TRPC4AP: variants seen among roughly 807,000 people sequenced by gnomAD.
TRPC4AP encodes transient receptor potential cation channel subfamily C member 4 associated protein, also known as short transient receptor potential channel 4-associated protein.
TRPC4AP carries 45 observed loss-of-function variants against 99.0 expected under a neutral mutation model. The observed-to-expected ratio is 0.45, with a 90% CI of 0.36 to 0.58. The LOEUF (loss-of-function observed/expected upper bound fraction) is 0.58. Among genes scored for constraint, TRPC4AP ranks in the 20% least tolerant of loss-of-function variants. The pLI, the probability that TRPC4AP is intolerant of heterozygous loss-of-function variation, is 0.00. For synonymous variants in TRPC4AP, 408 were observed against 385.8 expected (o/e 1.06, Z -0.67); for missense variants, 879 against 985.3 (o/e 0.89, Z 1.44).
At chr20:35,050,130 G>A (rs1416411315) in intron 5 of TRPC4AP, 136 bp from the exon 6 acceptor site, 2 of 951,908 alleles carry the variant, frequency 2.1e-6, no homozygotes, top group African/African-American at 3.3e-5. Flanking sequence ...GAATGGCATG[G>A]CTTAACTGTG....
intron 5 of TRPC4AP, 86 bp downstream of exon 5, chr20:35,054,890 C>T: frequency 8.4e-7 from 1 of 1,194,390 alleles, no homozygotes. Context: ...GCTCTTATGT[C>T]TGCCATTCTA....
At chr20:35,085,852 TTTA>T (rs1315520230) in intron 1 of TRPC4AP, among the ~76,000 whole-genome samples, 3 of 152,176 alleles carry the variant, frequency 2.0e-5, no homozygotes, top group African/African-American at 7.2e-5. Flanking sequence ...TTCCACTGAT[TTTA>T]TTGTTTTTAA....
chr20:35,047,263 T>C (rs1232219985), intron 6 of TRPC4AP, among the ~76,000 whole-genome samples: 1 of 152,234 alleles, frequency 6.6e-6, no homozygotes, highest in African/African-American at 2.4e-5. Context: ...ATTGCATCTC[T>C]CTGCCTCTGG....
intron 16 of TRPC4AP, among the ~76,000 whole-genome samples, 181 bp downstream of exon 16, chr20:35,005,514 T>C (rs1417780594): frequency 6.6e-6 from 1 of 152,202 alleles, no homozygotes; most frequent in Non-Finnish European, 1.5e-5. Context: ...ATTTTCACCT[T>C]ATTAAAGTGT....
intron 3 of TRPC4AP, among the ~76,000 whole-genome samples, chr20:35,061,396 GA>G (rs1274856478): frequency 6.6e-6 from 1 of 152,210 alleles, no homozygotes; most frequent in African/African-American, 2.4e-5. Context: ...TTGTTAAGAT[GA>G]TAATACTCCC....
At chr20:35,026,240 A>T (rs1406117729) in intron 8 of TRPC4AP, among the ~76,000 whole-genome samples, 1 of 150,306 alleles carries the variant, frequency 6.7e-6, no homozygotes, top group Non-Finnish European at 1.5e-5. Flanking sequence ...TTTTTGAGAC[A>T]GAGTCTTGCT....
intron 9 of TRPC4AP, among the ~76,000 whole-genome samples, chr20:35,017,336 A>G (rs1368818756): frequency 3.3e-5 from 5 of 152,226 alleles, no homozygotes. Flanking sequence ...GGATACACTA[A>G]TAACTGGTAA....
chr20:35,024,401 T>G (rs1350482988), intron 8 of TRPC4AP, among the ~76,000 whole-genome samples: 1 of 152,236 alleles, frequency 6.6e-6, no homozygotes, highest in Non-Finnish European at 1.5e-5. Context: ...TTCATATTAA[T>G]GAACTCATGC....
chr20:35,016,800 G>GC (rs1268935629), intron 9 of TRPC4AP, among the ~76,000 whole-genome samples: 2 of 152,158 alleles, frequency 1.3e-5, no homozygotes, highest in Non-Finnish European at 2.9e-5. Context: ...ACATACATTG[G>GC]CAATTCATGC....
intron 8 of TRPC4AP, among the ~76,000 whole-genome samples, chr20:35,025,236 C>T (rs1408905655): frequency 2.6e-5 from 4 of 152,168 alleles, no homozygotes; most frequent in African/African-American, 9.7e-5. Flanking sequence ...TACTTAAGTG[C>T]AGTGGCAGGA....
chr20:35,045,023 C>T (rs887201865), intron 6 of TRPC4AP, among the ~76,000 whole-genome samples: 1 of 152,044 alleles, frequency 6.6e-6, no homozygotes, highest in Non-Finnish European at 1.5e-5. Flanking sequence ...AAAGGAAATG[C>T]CTACCACTCA....
In TRPC4AP at chr20:35,005,680, C is replaced by T. The variant is rs558221279; in HGVS notation, c.1936+15G>A. On this transcript the variant is annotated intron_variant, in intron 16 of 18. Transcript: ENST00000252015. ...ACCCTGCATGACTTGCCTTGACAGC[C>T]TGCCTTTCATGTACCTTTCATATCC... 4.8e-4 allele frequency: 773 copies of T among 1,612,450 alleles called. 9 individuals carry two copies. In the South Asian group the frequency reaches 8.2e-3, roughly 17 times the overall value.
At chr20:35,032,272 G>T (rs370365926) in intron 8 of TRPC4AP, among the ~76,000 whole-genome samples, 1 of 151,406 alleles carries the variant, frequency 6.6e-6, no homozygotes, top group Non-Finnish European at 1.5e-5. Flanking sequence ...TGCTCTGCCC[G>T]CCTCAGCCTC....
At chr20:35,090,919 CAT>C (rs1335800451) in intron 1 of TRPC4AP, among the ~76,000 whole-genome samples, 1 of 123,076 alleles carries the variant, frequency 8.1e-6, no homozygotes, top group Non-Finnish European at 1.7e-5. Flanking sequence ...TTAAAGATAA[CAT>C]ATGCCTTGTA....
intron 9 of TRPC4AP, among the ~76,000 whole-genome samples, chr20:35,016,833 T>C (rs757115631): frequency 3.3e-5 from 5 of 152,190 alleles, no homozygotes; most frequent in Non-Finnish European, 7.3e-5. Context: ...AATTCCTCTA[T>C]AAGGAGTCCT....
intron 1 of TRPC4AP, among the ~76,000 whole-genome samples, chr20:35,081,438 T>C (rs2084642827): frequency 6.6e-6 from 1 of 151,164 alleles, no homozygotes; most frequent in Non-Finnish European, 1.5e-5. Flanking sequence ...CCCTTGATGC[T>C]AGGAGGCCGA....
intron 4 of TRPC4AP, 134 bp from the exon 5 acceptor site, chr20:35,055,165 C>T: frequency 2.8e-6 from 2 of 715,588 alleles, no homozygotes. Flanking sequence ...ATACTTCTTC[C>T]AGCCCCTGTC....
chr20:35,015,600 T>C (rs1008727339), intron 10 of TRPC4AP, among the ~76,000 whole-genome samples: 1 of 151,604 alleles, frequency 6.6e-6, no homozygotes, highest in African/African-American at 2.4e-5. Flanking sequence ...AGAGTTGGGA[T>C]TACAGGCACC....
chr20:35,003,141 C>G lies in TRPC4AP; in HGVS notation c.*5G>C. On this transcript the variant is annotated 3_prime_UTR_variant, in exon 19 of 19. Coordinates refer to ENST00000252015, the MANE Select transcript of TRPC4AP (RefSeq NM_015638.3). Reference sequence around the variant, plus strand: ...CCCAGCAGCCTCCCGAGGCCTGGCCCAAGGTCACTCCTCAGTGAAGTCCCT... The same window carrying G: ...CCCAGCAGCCTCCCGAGGCCTGGCCGAAGGTCACTCCTCAGTGAAGTCCCT... The G allele has an allele frequency of 6.2e-7, 1 of 1,614,044 alleles. No individual in the cohort carries two copies. The highest frequency in any genetic ancestry group is 1.3e-5 in the African/African-American group (1 of 75,064).
Sources: gnomAD v4.1 joint callset for allele counts (sites outside exome capture counted in the v4.1 genomes callset) on GRCh38, gnomAD v4.1.1 for gene constraint, MANE v1.5 for transcripts, NCBI Gene and HGNC (gene_info 2026-07-23, HGNC 2026-07-21) for gene names.